Variants in USP37 observed in about 807,000 individuals in gnomAD.
USP37 encodes the protein ubiquitin specific peptidase 37, also known as ubiquitin carboxyl-terminal hydrolase 37.
USP37 carries 27 observed loss-of-function variants against 124.0 expected under a neutral mutation model. That is an observed-to-expected ratio of 0.22 (90% CI 0.16 to 0.30). The LOEUF (loss-of-function observed/expected upper bound fraction) is 0.30, where lower values mean the gene tolerates loss of function less well. Among genes scored for constraint, USP37 ranks in the 10% least tolerant of loss-of-function variants. The pLI, the probability that USP37 is intolerant of heterozygous loss-of-function variation, is 1.00. For synonymous variants in USP37, 365 were observed against 388.0 expected (o/e 0.94, Z 0.70); for missense variants, 889 against 1,140.4 (o/e 0.78, Z 3.17).
At chr2:218,529,639 T>G (rs113967897) in intron 10 of USP37, among the ~76,000 whole-genome samples, 1,944 of 152,166 alleles carry the variant, frequency 0.013, 48 homozygotes, top group African/African-American at 0.045. Context: ...TCTTTTTTTT[T>G]GAGACAGGGT....
chr2:218,516,823 C>A (rs1168066719), intron 10 of USP37, among the ~76,000 whole-genome samples: 2 of 152,158 alleles, frequency 1.3e-5, no homozygotes, highest in Non-Finnish European at 2.9e-5. Flanking sequence ...ACGTGTGTAA[C>A]CCAAGACATA....
At chr2:218,547,964 A>G (rs1692453717) in intron 6 of USP37, among the ~76,000 whole-genome samples, 1 of 152,142 alleles carries the variant, frequency 6.6e-6, no homozygotes. Context: ...GAGCTATGCG[A>G]TTTTTCTATA....
At chr2:218,466,842 C>T (rs920327887) in intron 20 of USP37, among the ~76,000 whole-genome samples, 8 of 151,884 alleles carry the variant, frequency 5.3e-5, no homozygotes, top group Admixed American at 2.6e-4. Flanking sequence ...TCAAGCAATT[C>T]TCATGCCTCA....
intron 4 of USP37, 39 bp from the exon 5 acceptor site, chr2:218,553,763 T>C: frequency 1.5e-5 from 23 of 1,569,034 alleles, no homozygotes; most frequent in Non-Finnish European, 2.0e-5. Context: ...CAAAAATGTA[T>C]GACAACTAAG....
intron 5 of USP37, among the ~76,000 whole-genome samples, chr2:218,552,730 G>T (rs1692734331): frequency 6.6e-6 from 1 of 152,114 alleles, no homozygotes; most frequent in Non-Finnish European, 1.5e-5. Flanking sequence ...TTTTTTACAG[G>T]ACTCATTTTC....
intron 21 of USP37, among the ~76,000 whole-genome samples, chr2:218,465,646 C>G (rs907442709): frequency 1.3e-5 from 2 of 152,148 alleles, no homozygotes; most frequent in Admixed American, 6.6e-5. Context: ...CAACCTCTGC[C>G]TCCTGGGTTC....
chr2:218,478,846 G>A (rs1172671600), intron 18 of USP37, among the ~76,000 whole-genome samples: 1 of 152,106 alleles, frequency 6.6e-6, no homozygotes, highest in Non-Finnish European at 1.5e-5. Flanking sequence ...AGTCATGTTA[G>A]TCATCTGGTT....
At chr2:218,477,561 T>C (rs3845835) in intron 18 of USP37, among the ~76,000 whole-genome samples, 45,574 of 152,022 alleles carry the variant, frequency 0.3, 7,890 homozygotes, top group Non-Finnish European at 0.39. Flanking sequence ...GTGTATCAAG[T>C]TCATCAAGAA....
At position 218,454,643 on chromosome 2, in the gene USP37, T is replaced by C. The variant is rs1689595025; in HGVS notation, c.*287A>G. The C allele has an allele frequency of 2.8e-6, 1 of 352,192 alleles. No individual in the cohort carries two copies. Among genetic ancestry groups the C allele is most frequent in the African/African-American group, 2.1e-5 (1 of 47,408 alleles). 21.8% of individuals were successfully genotyped at this position (352,192 alleles called of 1,614,324 possible). A position where few individuals can be genotyped will look rare whatever the true frequency, so the allele number is the denominator to read the frequency against. The stretch of plus-strand genomic sequence containing the variant: ...GTGTGTGTGTGTGTCTGTGTGTGTG[T>C]ATACACACATACACAGATATATATT... On this transcript the variant is annotated 3_prime_UTR_variant, in exon 26 of 26. Transcript: ENST00000258399.
rs879232100 is a variant in USP37 at position 218,451,995 on chromosome 2, A to G, written c.*2935T>C. 2 of 152,666 alleles carry G rather than the reference A, an allele frequency of 1.3e-5. No homozygotes were observed. The highest frequency in any genetic ancestry group is 4.1e-4 in the South Asian group (2 of 4,836). 9.5% of individuals were successfully genotyped at this position (152,666 alleles called of 1,614,324 possible). On this transcript the variant is annotated 3_prime_UTR_variant, in exon 26 of 26. Coordinates refer to ENST00000258399, the MANE Select transcript of USP37 (RefSeq NM_020935.3). The stretch of plus-strand genomic sequence containing the variant: ...TGAATATATCCCTACGAAACAGTCT[A>G]TCTTCTCATAGGCTTAAATTATAGT...
intron 11 of USP37, among the ~76,000 whole-genome samples, chr2:218,504,191 A>T (rs1304320626): frequency 6.6e-6 from 1 of 152,234 alleles, no homozygotes; most frequent in Non-Finnish European, 1.5e-5. Flanking sequence ...CTAATATACA[A>T]ATTTCTGACC....
chr2:218,459,973 G>A (rs1364410098), intron 22 of USP37, 68 bp from the exon 23 acceptor site: 20 of 1,219,364 alleles, frequency 1.6e-5, no homozygotes, highest in Non-Finnish European at 3.5e-6. Context: ...GCTCACACCT[G>A]TAATCCCAAC....
chr2:218,479,828 T>C (rs1052569210), intron 17 of USP37, 113 bp from the exon 18 acceptor site: 20 of 590,630 alleles, frequency 3.4e-5, no homozygotes, highest in East Asian at 1.1e-4. Flanking sequence ...CTCTTGAAAA[T>C]TGAACAATTA....
At chr2:218,480,385 C>G (rs1167444412) in intron 17 of USP37, among the ~76,000 whole-genome samples, 1 of 115,504 alleles carries the variant, frequency 8.7e-6, no homozygotes, top group Non-Finnish European at 1.6e-5. Flanking sequence ...GGCGACAGAG[C>G]GAGACTCCGT....
intron 6 of USP37, among the ~76,000 whole-genome samples, chr2:218,547,567 G>C (rs1384024179): frequency 1.5e-5 from 2 of 132,556 alleles, no homozygotes; most frequent in African/African-American, 6.0e-5. Context: ...CAAGAACACT[G>C]CTTTGAATTA....
intron 10 of USP37, among the ~76,000 whole-genome samples, chr2:218,526,631 T>C (rs1014544998): frequency 1.3e-5 from 2 of 152,288 alleles, no homozygotes; most frequent in Admixed American, 1.3e-4. Flanking sequence ...TGGTATTTTT[T>C]GAGGCTTTTC....
At chr2:218,484,207 T>C (rs995761798) in intron 16 of USP37, among the ~76,000 whole-genome samples, 1 of 152,148 alleles carries the variant, frequency 6.6e-6, no homozygotes, top group Non-Finnish European at 1.5e-5. Context: ...GGTCTCACCA[T>C]GTTGCCCAGG....
chr2:218,546,503 C>G (rs916891966), intron 7 of USP37, among the ~76,000 whole-genome samples: 7 of 152,216 alleles, frequency 4.6e-5, no homozygotes, highest in African/African-American at 1.7e-4. Context: ...ACCGCAACCT[C>G]TGCCTCCCAG....
intron 6 of USP37, among the ~76,000 whole-genome samples, chr2:218,548,317 C>A (rs950060198): frequency 6.6e-6 from 1 of 151,864 alleles, no homozygotes; most frequent in Non-Finnish European, 1.5e-5. Flanking sequence ...GAATATTATC[C>A]CATCCCATAG....
Sources: allele counts gnomAD v4.1 joint callset (sites outside exome capture counted in the v4.1 genomes callset), GRCh38; gene constraint gnomAD v4.1.1; transcripts MANE v1.5; gene names NCBI Gene and HGNC (gene_info 2026-07-23, HGNC 2026-07-21).